Variants in DCDC2 observed in about 807,000 individuals in gnomAD.
DCDC2 encodes doublecortin domain-containing protein 2.
In DCDC2, 40 loss-of-function variants were observed where a neutral mutation model predicts 50.2. That is an observed-to-expected ratio of 0.80 (90% CI 0.62 to 1.04). DCDC2 has a LOEUF of 1.04. DCDC2 is among the 50% of genes least tolerant of loss of function. The pLI is 0.00. For synonymous variants in DCDC2, 234 were observed against 210.6 expected, an observed-to-expected ratio of 1.11 and a Z score of -0.96; for missense variants, 570 against 581.9, an observed-to-expected ratio of 0.98 and a Z score of 0.21.
intron 7 of DCDC2, among the ~76,000 whole-genome samples, chr6:24,245,970 T>A (rs868741569): frequency 6.6e-6 from 1 of 152,166 alleles, no homozygotes; most frequent in African/African-American, 2.4e-5. Context: ...TTATTAGTGA[T>A]CTGAGAGGAT....
chr6:24,223,299 G>A (rs544297491), intron 7 of DCDC2, among the ~76,000 whole-genome samples: 4 of 152,286 alleles, frequency 2.6e-5, no homozygotes, highest in Non-Finnish European at 5.9e-5. Context: ...ATGAAACCAC[G>A]TGCAATTTTA....
chr6:24,231,705 A>G (rs1762339620), intron 7 of DCDC2, among the ~76,000 whole-genome samples: 1 of 152,130 alleles, frequency 6.6e-6, no homozygotes, highest in African/African-American at 2.4e-5. Flanking sequence ...GAGACATTAA[A>G]AAAAACAGAA....
intron 7 of DCDC2, among the ~76,000 whole-genome samples, chr6:24,241,830 T>C (rs1581606546): frequency 6.6e-6 from 1 of 152,298 alleles, no homozygotes; most frequent in East Asian, 1.9e-4. Flanking sequence ...AATATATGAG[T>C]GTACTTCATA....
chr6:24,303,326 G>A (rs937443109), intron 2 of DCDC2, among the ~76,000 whole-genome samples: 5 of 152,080 alleles, frequency 3.3e-5, no homozygotes, highest in East Asian at 1.9e-4. Flanking sequence ...CTTACTTGGT[G>A]CCCTCATCTC....
At chr6:24,363,776 C>T in the DCDC2 span, among the ~76,000 whole-genome samples, 1 of 152,102 alleles carries the variant, frequency 6.6e-6, no homozygotes, top group East Asian at 1.9e-4. Context: ...CATCATCATC[C>T]CCTAAGAGGT....
At chr6:24,320,413 C>T (rs9467109) in intron 2 of DCDC2, among the ~76,000 whole-genome samples, 1,691 of 152,282 alleles carry the variant, frequency 0.011, 31 homozygotes, top group African/African-American at 0.037. Flanking sequence ...CTCACTGCAA[C>T]CTCTGCCTCC....
chr6:24,220,075 G>A (rs867727081), intron 7 of DCDC2, among the ~76,000 whole-genome samples: 8 of 152,148 alleles, frequency 5.3e-5, no homozygotes, highest in African/African-American at 7.2e-5. Flanking sequence ...GCTACCCATC[G>A]CTCCTTTTCT....
At chr6:24,211,692 G>C (rs1291431773) in intron 7 of DCDC2, among the ~76,000 whole-genome samples, 1 of 152,176 alleles carries the variant, frequency 6.6e-6, no homozygotes, top group South Asian at 2.1e-4. Context: ...GTCAAGGAAT[G>C]CAGGCAGCCT....
At chr6:24,359,443 TAG>T (rs1305856678), upstream of DCDC2, among the ~76,000 whole-genome samples, 1 of 71,056 alleles carries the variant, frequency 1.4e-5, no homozygotes, top group African/African-American at 6.3e-5. Flanking sequence ...ATATACTATA[TAG>T]TATATATATT....
intron 8 of DCDC2, among the ~76,000 whole-genome samples, chr6:24,181,016 G>C (rs1162647127): frequency 6.6e-6 from 1 of 152,126 alleles, no homozygotes; most frequent in Admixed American, 6.5e-5. Context: ...GTTGTTCTTA[G>C]ATACTGAAAA....
chr6:24,272,842 A>G (rs955265524), intron 7 of DCDC2, among the ~76,000 whole-genome samples: 10 of 152,218 alleles, frequency 6.6e-5, no homozygotes, highest in African/African-American at 2.4e-4. Context: ...TTTTCATTCT[A>G]TCCAACAATT....
intron 8 of DCDC2, among the ~76,000 whole-genome samples, chr6:24,195,727 C>T (rs1761419849): frequency 6.6e-6 from 1 of 152,158 alleles, no homozygotes; most frequent in African/African-American, 2.4e-5. Flanking sequence ...CCATATATCC[C>T]TTTGGAGGCA....
At chr6:24,298,777 G>A (rs1390508045) in intron 4 of DCDC2, among the ~76,000 whole-genome samples, 1 of 152,136 alleles carries the variant, frequency 6.6e-6, no homozygotes, top group African/African-American at 2.4e-5. Flanking sequence ...GTAACAGTAT[G>A]ACAAACAGGC....
chr6:24,305,287 C>T lies in DCDC2; in HGVS notation c.349-3243G>A, dbSNP rs998766622. On this transcript the variant is annotated intron_variant, in intron 2 of 9. Transcript: ENST00000378454. Reference sequence around the variant, plus strand: ...TCATTCGGCATGGCAAAAGTGTTCCCCAAATGTTCATGATTAACCAGTTGA... The same window carrying T: ...TCATTCGGCATGGCAAAAGTGTTCCTCAAATGTTCATGATTAACCAGTTGA... Among the ~76,000 whole-genome samples the T allele has an allele frequency of 2.0e-5, 3 of 152,012 alleles. No homozygotes were observed. In the South Asian group the frequency reaches 6.2e-4, roughly 32 times the overall value.
intron 8 of DCDC2, among the ~76,000 whole-genome samples, chr6:24,196,060 A>T (rs959376456): frequency 6.6e-6 from 1 of 152,214 alleles, no homozygotes; most frequent in African/African-American, 2.4e-5. Flanking sequence ...ATTACAACAC[A>T]GATCATTTAG....
At chr6:24,243,036 G>A (rs1026560120) in intron 7 of DCDC2, among the ~76,000 whole-genome samples, 18 of 152,094 alleles carry the variant, frequency 1.2e-4, no homozygotes, top group Non-Finnish European at 2.1e-4. Context: ...AGAAGGCACT[G>A]GAGACTGCCA....
intron 2 of DCDC2, among the ~76,000 whole-genome samples, chr6:24,343,807 T>C (rs2127250392): frequency 6.6e-6 from 1 of 152,352 alleles, no homozygotes; most frequent in Middle Eastern, 3.4e-3. Flanking sequence ...GTATTGAGAA[T>C]AGTTTGATAT....
intron 7 of DCDC2, 132 bp from the exon 8 acceptor site, chr6:24,205,234 C>T (rs755826621): frequency 6.3e-7 from 1 of 1,596,264 alleles, no homozygotes; most frequent in South Asian, 1.1e-5. Context: ...TATTTTTGTG[C>T]ACCCCCTCCT....
In DCDC2 at chr6:24,196,767, A is replaced by G. The variant is rs140792022; in HGVS notation, c.1023+8235T>C. 5.9e-3 allele frequency among the ~76,000 whole-genome samples: 894 copies of G among 152,264 alleles called. 9 individuals are homozygous for G. The highest frequency in any genetic ancestry group is 0.02 in the African/African-American group (846 of 41,560). Reference sequence around the variant, plus strand: ...ACAGGGTTGTTTTCATAATTAAACGAAAGAAATAAAAATCCTTAGTCCAGT... The same window carrying G: ...ACAGGGTTGTTTTCATAATTAAACGGAAGAAATAAAAATCCTTAGTCCAGT... On this transcript the variant is annotated intron_variant, in intron 8 of 9. Coordinates refer to ENST00000378454, the MANE Select transcript of DCDC2 (RefSeq NM_016356.5).
Sources: gnomAD v4.1 joint callset for allele counts (sites outside exome capture counted in the v4.1 genomes callset) on GRCh38, gnomAD v4.1.1 for gene constraint, MANE v1.5 for transcripts, NCBI Gene and HGNC (gene_info 2026-07-23, HGNC 2026-07-21) for gene names.